PPP2R2B: variants seen among roughly 807,000 people sequenced by gnomAD.
PPP2R2B encodes the protein serine/threonine-protein phosphatase 2A 55 kDa regulatory subunit B beta isoform.
PPP2R2B carries 5 observed loss-of-function variants against 46.0 expected under a neutral mutation model. That is an observed-to-expected ratio of 0.11 (90% confidence interval 0.06 to 0.23). The LOEUF is 0.23. Among genes scored for constraint, PPP2R2B ranks in the 10% least tolerant of loss-of-function variants. The pLI is 1.00. For missense variants in PPP2R2B, 367 were observed against 575.0 expected (o/e 0.64, Z 3.70); for synonymous variants, 215 against 206.7 (o/e 1.04, Z -0.34).
At chr5:146,806,142 C>G (rs1015231879) in intron 2 of PPP2R2B, among the ~76,000 whole-genome samples, 1 of 152,128 alleles carries the variant, frequency 6.6e-6, no homozygotes, top group African/African-American at 2.4e-5. Context: ...GCTAGGGAGA[C>G]AGTGTGTGTG....
intron 5 of PPP2R2B, among the ~76,000 whole-genome samples, chr5:146,657,532 G>A (rs1776414126): frequency 6.6e-6 from 1 of 152,078 alleles, no homozygotes. Flanking sequence ...GTTATGGAAG[G>A]AGCATCCACA....
intron 5 of PPP2R2B, among the ~76,000 whole-genome samples, chr5:146,667,669 A>AGG (rs1352316326): frequency 6.6e-6 from 1 of 152,048 alleles, no homozygotes; most frequent in Non-Finnish European, 1.5e-5. Flanking sequence ...GGGACTTGGC[A>AGG]AGCTGTTAGG....
intron 2 of PPP2R2B, among the ~76,000 whole-genome samples, chr5:146,765,466 A>C (rs187862381): frequency 6.6e-6 from 1 of 152,238 alleles, no homozygotes; most frequent in Non-Finnish European, 1.5e-5. Context: ...AGTGCCCAGA[A>C]CATGGAAGGA....
At chr5:146,664,749 A>AT (rs1405967982) in intron 5 of PPP2R2B, among the ~76,000 whole-genome samples, 2 of 152,146 alleles carry the variant, frequency 1.3e-5, no homozygotes, top group Non-Finnish European at 2.9e-5. Flanking sequence ...CAGAGGAACT[A>AT]TTTTTTGGTA....
chr5:146,994,260 G>A (rs1445135806), intron 1 of PPP2R2B, among the ~76,000 whole-genome samples: 2 of 152,272 alleles, frequency 1.3e-5, no homozygotes, highest in Non-Finnish European at 2.9e-5. Flanking sequence ...GGGGACAAGG[G>A]TGAAGGCTCA....
rs372322880 is a variant in PPP2R2B at position 146,603,775 on chromosome 5, G to A, written c.791-3315C>T. Among the ~76,000 whole-genome samples, 79 of 152,262 alleles carry A rather than the reference G, an allele frequency of 5.2e-4. No individual in the cohort carries two copies. In the South Asian group the frequency reaches 0.016, roughly 31 times the overall value. The stretch of plus-strand genomic sequence containing the variant: ...TTTAGTTGTTAAAACAGCCTATGAA[G>A]TAGGAATTATGATTCTTCATTTTAT... On this transcript the variant is annotated intron_variant, in intron 7 of 9. Coordinates refer to ENST00000394411, the MANE Select transcript of PPP2R2B (RefSeq NM_181675.4).
intron 2 of PPP2R2B, among the ~76,000 whole-genome samples, chr5:146,797,239 G>A (rs1756595016): frequency 6.6e-6 from 1 of 152,200 alleles, no homozygotes; most frequent in African/African-American, 2.4e-5. Flanking sequence ...TGCACCATCT[G>A]TGGATTCTTG....
chr5:146,688,387 T>C (rs1243444313), intron 5 of PPP2R2B, among the ~76,000 whole-genome samples: 1 of 151,818 alleles, frequency 6.6e-6, no homozygotes, highest in East Asian at 1.9e-4. Context: ...CAGACCCCCT[T>C]GTCTCAGCCA....
At chr5:146,962,891 G>T (rs1032900467) in intron 1 of PPP2R2B, among the ~76,000 whole-genome samples, 1 of 152,220 alleles carries the variant, frequency 6.6e-6, no homozygotes, top group South Asian at 2.1e-4. Context: ...CACCATGCCT[G>T]CTACCTCTTG....
intron 2 of PPP2R2B, among the ~76,000 whole-genome samples, chr5:146,781,182 A>G (rs1755506927): frequency 7.7e-6 from 1 of 129,380 alleles, no homozygotes; most frequent in African/African-American, 2.8e-5. Flanking sequence ...ATATAAAATT[A>G]TTCTCATGAT....
chr5:146,591,207 C>T (rs1453738923), intron 9 of PPP2R2B, among the ~76,000 whole-genome samples: 1 of 152,056 alleles, frequency 6.6e-6, no homozygotes, highest in Non-Finnish European at 1.5e-5. Context: ...GATGGGAGAG[C>T]AGGAACTCTC....
intron 1 of PPP2R2B, among the ~76,000 whole-genome samples, chr5:146,952,338 C>T (rs1266919046): frequency 6.6e-6 from 1 of 152,050 alleles, no homozygotes; most frequent in African/African-American, 2.4e-5. Flanking sequence ...CAGACAACAG[C>T]ATCCTGCTGG....
At chr5:146,767,187 A>G (rs925094422) in intron 2 of PPP2R2B, among the ~76,000 whole-genome samples, 3 of 152,058 alleles carry the variant, frequency 2.0e-5, no homozygotes, top group Non-Finnish European at 4.4e-5. Flanking sequence ...AAACAGGAAT[A>G]CTTGAGAATA....
chr5:146,940,632 A>T (rs1764294154), intron 1 of PPP2R2B, among the ~76,000 whole-genome samples: 1 of 152,112 alleles, frequency 6.6e-6, no homozygotes, highest in East Asian at 1.9e-4. Context: ...ATTTCCCAAC[A>T]AAATCCCTTT....
intron 1 of PPP2R2B, among the ~76,000 whole-genome samples, chr5:146,928,064 T>C (rs1763841152): frequency 6.6e-6 from 1 of 152,120 alleles, no homozygotes; most frequent in Non-Finnish European, 1.5e-5. Context: ...AAAGCTGAAA[T>C]GTATAATTCA....
intron 2 of PPP2R2B, among the ~76,000 whole-genome samples, chr5:146,877,030 G>C (rs748210705): frequency 6.6e-6 from 1 of 152,072 alleles, no homozygotes; most frequent in South Asian, 2.1e-4. Context: ...ACATTTTCTC[G>C]CATGGATATT....
rs370723346 is a variant in PPP2R2B, at chr5:146,743,785, C to T, written c.71-42643G>A. On this transcript the variant is annotated intron_variant, in intron 2 of 9. Coordinates refer to ENST00000394411, the MANE Select transcript of PPP2R2B (RefSeq NM_181675.4). ...TAAAGGAGAAACTGTTACACCAAGTCGTAAGCTAAAATGTGCCTCAAATAT... is the reference window on the plus strand; with the variant it reads ...TAAAGGAGAAACTGTTACACCAAGTTGTAAGCTAAAATGTGCCTCAAATAT... Among the ~76,000 whole-genome samples, 247 of 152,246 alleles carry T rather than the reference C, an allele frequency of 1.6e-3. 2 individuals are homozygous for T. The highest frequency in any genetic ancestry group is 5.8e-3 in the African/African-American group (241 of 41,542).
intron 1 of PPP2R2B, among the ~76,000 whole-genome samples, chr5:146,943,559 G>T (rs1278005161): frequency 6.6e-6 from 1 of 152,070 alleles, no homozygotes; most frequent in Non-Finnish European, 1.5e-5. Context: ...TCTTTAAATT[G>T]CAATCTTGGC....
chr5:146,768,423 T>C (rs552200321), intron 2 of PPP2R2B, among the ~76,000 whole-genome samples: 2 of 152,030 alleles, frequency 1.3e-5, no homozygotes, highest in Non-Finnish European at 2.9e-5. Flanking sequence ...GGGGGTGAAA[T>C]GGTTAACAGT....
Sources: gnomAD v4.1 joint callset for allele counts (sites outside exome capture counted in the v4.1 genomes callset) on GRCh38, gnomAD v4.1.1 for gene constraint, MANE v1.5 for transcripts, NCBI Gene and HGNC (gene_info 2026-07-23, HGNC 2026-07-21) for gene names.